The following RUNX1T1 variants were observed in gnomAD, a reference collection of about 807,000 sequenced individuals.
The protein encoded by RUNX1T1 is protein CBFA2T1.
In RUNX1T1, 4 loss-of-function variants were observed where a neutral mutation model predicts 62.8. The ratio of observed to expected loss-of-function variants is 0.06; its 90% CI spans 0.03 to 0.15. The LOEUF (loss-of-function observed/expected upper bound fraction) is 0.15, where lower values mean the gene tolerates loss of function less well. Among genes scored for constraint, RUNX1T1 ranks in the 10% least tolerant of loss-of-function variants. The probability of loss-of-function intolerance (pLI) is 1.00; values close to 1 mark genes in which losing one functional copy is unlikely to be tolerated. For synonymous variants in RUNX1T1, 291 were observed against 286.0 expected (o/e 1.02, Z -0.18); for missense variants, 508 against 754.3 (o/e 0.67, Z 3.82).
chr8:92,062,463 G>T, intron 1 of RUNX1T1: 3 of 1,438,928 alleles, frequency 2.1e-6, no homozygotes, highest in Non-Finnish European at 2.9e-6. Flanking sequence ...ACGCTGTGGG[G>T]CAGAAGGTAT....
At chr8:92,098,975 T>C (rs1837916373) in intron 1 of RUNX1T1, among the ~76,000 whole-genome samples, 1 of 152,224 alleles carries the variant, frequency 6.6e-6, no homozygotes, top group African/African-American at 2.4e-5. Flanking sequence ...CTTATATTAA[T>C]GGCTGTGGAA....
chr8:92,029,951 G>A (rs748201703), intron 1 of RUNX1T1, among the ~76,000 whole-genome samples: 20 of 152,206 alleles, frequency 1.3e-4, no homozygotes, highest in Non-Finnish European at 2.5e-4. Context: ...CTAATGATCC[G>A]ATCAAGTCAT....
intron 10 of RUNX1T1, among the ~76,000 whole-genome samples, chr8:91,962,501 T>C (rs1159211546): frequency 6.6e-6 from 1 of 152,232 alleles, no homozygotes; most frequent in African/African-American, 2.4e-5. Flanking sequence ...TCTCAAAAGA[T>C]GTGAAGCTCT....
intron 1 of RUNX1T1, among the ~76,000 whole-genome samples, chr8:92,089,505 G>A (rs773053677): frequency 5.3e-5 from 8 of 151,972 alleles, no homozygotes; most frequent in Non-Finnish European, 8.8e-5. Flanking sequence ...CAAGTGAAGC[G>A]AGTCCAAACT....
At chr8:91,961,066 C>G (rs564973829) in intron 10 of RUNX1T1, among the ~76,000 whole-genome samples, 8 of 152,326 alleles carry the variant, frequency 5.3e-5, no homozygotes, top group African/African-American at 1.4e-4. Flanking sequence ...TTTAACCTCT[C>G]TATGTCTTTA....
At chr8:91,988,931 T>C (rs1038095573) in intron 6 of RUNX1T1, among the ~76,000 whole-genome samples, 1 of 152,208 alleles carries the variant, frequency 6.6e-6, no homozygotes, top group African/African-American at 2.4e-5. Context: ...ATCAAGATTT[T>C]ATGTTTATTA....
At chr8:91,986,189 C>T in exon 8 of RUNX1T1, 1 of 1,614,112 alleles carries the variant, frequency 6.2e-7, no homozygotes, top group Non-Finnish European at 8.5e-7. Context: ...ACTGCCGCCA[C>T]CTTTTTTTAA....
chr8:91,990,238 G>A (rs1414081104), intron 6 of RUNX1T1, among the ~76,000 whole-genome samples: 1 of 152,192 alleles, frequency 6.6e-6, no homozygotes, highest in African/African-American at 2.4e-5. Context: ...ATATCTGGCT[G>A]GCTGCATTCC....
chr8:92,073,293 G>A (rs966582211), intron 2 of RUNX1T1, among the ~76,000 whole-genome samples: 1 of 152,128 alleles, frequency 6.6e-6, no homozygotes, highest in African/African-American at 2.4e-5. Context: ...CACCAGGTGG[G>A]AAACACAACA....
upstream of RUNX1T1, among the ~76,000 whole-genome samples, chr8:92,100,608 T>C (rs149376638): frequency 6.6e-3 from 1,000 of 152,308 alleles, 12 homozygotes; most frequent in African/African-American, 0.023. Context: ...GCATCCATCC[T>C]GGCTGCAAAA....
At chr8:92,042,492 A>G (rs539709545) in intron 1 of RUNX1T1, among the ~76,000 whole-genome samples, 1 of 151,350 alleles carries the variant, frequency 6.6e-6, no homozygotes, top group East Asian at 2.0e-4. Flanking sequence ...TAATTTTTTA[A>G]TTTTTCTTTT....
At chr8:91,986,043 A>G (rs757309280) in intron 8 of RUNX1T1, 81 bp downstream of exon 9, 25 of 972,534 alleles carry the variant, frequency 2.6e-5, no homozygotes, top group Non-Finnish European at 4.1e-5. Flanking sequence ...CATATCCTTT[A>G]ATTTTAAAAA....
chr8:92,022,591 A>G (rs1824333668), intron 1 of RUNX1T1, among the ~76,000 whole-genome samples: 1 of 152,168 alleles, frequency 6.6e-6, no homozygotes. Context: ...TCTGCCATGT[A>G]AAAAGGCACT....
chr8:92,091,238 T>TA (rs2130902827), intron 1 of RUNX1T1, among the ~76,000 whole-genome samples: 1 of 152,352 alleles, frequency 6.6e-6, no homozygotes, highest in Admixed American at 6.5e-5. Context: ...CCTTGATCGA[T>TA]ATGAAACCGA....
intron 1 of RUNX1T1, among the ~76,000 whole-genome samples, chr8:92,031,728 C>T (rs1826264881): frequency 6.6e-6 from 1 of 152,034 alleles, no homozygotes; most frequent in Admixed American, 6.6e-5. Context: ...CCTCGGCCTT[C>T]CAAAATGTTG....
rs992360493 is a variant in RUNX1T1 at position 92,088,540 on chromosome 8, C to T, written c.-86+11040G>A. Among the ~76,000 whole-genome samples, 6 of 152,176 alleles carry T rather than the reference C, an allele frequency of 3.9e-5. No individual in the cohort carries two copies. The East Asian group carries it at 1.2e-3, about 29-fold the overall frequency. On this transcript the variant is annotated intron_variant, in intron 1 of 11. Transcript: ENST00000265814. ...ATTTGAAGTATTTTCCACAATACAG[C>T]TGTGCTATTTCCCTGGCACCATGAT...
intron 5 of RUNX1T1, chr8:92,003,320 T>C (rs962169022): frequency 6.6e-6 from 3 of 456,248 alleles, no homozygotes; most frequent in East Asian, 6.9e-5. Flanking sequence ...TGTGCAAGGA[T>C]AGTCAAAAGT....
chr8:92,095,901 G>A (rs753821260), intron 1 of RUNX1T1, among the ~76,000 whole-genome samples: 2 of 152,122 alleles, frequency 1.3e-5, no homozygotes, highest in African/African-American at 2.4e-5. Context: ...GTCAGAGGAG[G>A]ATCAAGAGCT....
At chr8:92,005,118 G>C (rs200143453) in exon 5 of RUNX1T1, 8 of 1,608,198 alleles carry the variant, frequency 5.0e-6, no homozygotes, top group Non-Finnish European at 6.8e-6. Flanking sequence ...CCTCTCACCT[G>C]TCTGGAGTTC....
Sources: gnomAD v4.1 joint callset for allele counts (sites outside exome capture counted in the v4.1 genomes callset) on GRCh38, gnomAD v4.1.1 for gene constraint, MANE v1.5 for transcripts, NCBI Gene and HGNC (gene_info 2026-07-23, HGNC 2026-07-21) for gene names.